DMD: variants seen among roughly 807,000 people sequenced by gnomAD.
DMD encodes the protein mutant dystrophin.
DMD carries 63 observed loss-of-function variants against 330.1 expected under a neutral mutation model. The observed-to-expected ratio is 0.19, with a 90% CI of 0.16 to 0.24. The LOEUF is 0.24. Among genes scored for constraint, DMD ranks in the 10% least tolerant of loss-of-function variants. The probability of loss-of-function intolerance (pLI) is 1.00; values close to 1 mark genes in which losing one functional copy is unlikely to be tolerated. For missense variants in DMD, 3,344 were observed against 2,684.1 expected (o/e 1.25, Z -5.43); for synonymous variants, 1,223 against 959.8 (o/e 1.27, Z -5.07).
chrX:32,167,145 C>T (rs747208975), intron 44 of DMD, among the ~76,000 whole-genome samples: 10 of 111,818 alleles, frequency 8.9e-5, no homozygotes, highest in Non-Finnish European at 1.7e-4. Flanking sequence ...CAAACCTGTA[C>T]CTAACAGAGG....
At position 31,899,994 on chromosome X, in the gene DMD, C is replaced by G. The variant is rs767702017; in HGVS notation, c.6913-24621G>C. On this transcript the variant is annotated intron_variant, in intron 47 of 78. Transcript: ENST00000357033. The stretch of plus-strand genomic sequence containing the variant: ...TCAATCTGCATTTACCTCAGATTTA[C>G]TAAGTCTAAAACTCAAGTCAAGTGT... Among the ~76,000 whole-genome samples, 17 of 111,305 alleles carry G rather than the reference C, an allele frequency of 1.5e-4. No individual in the cohort carries two copies. In the South Asian group the frequency reaches 6.5e-3, roughly 42 times the overall value.
At chrX:33,111,562 A>T (rs2095339594) in intron 1 of DMD, among the ~76,000 whole-genome samples, 1 of 111,986 alleles carries the variant, frequency 8.9e-6, no homozygotes, top group Non-Finnish European at 1.9e-5. Context: ...CAAATTAGAG[A>T]ATAAACAAAA....
intron 7 of DMD, among the ~76,000 whole-genome samples, chrX:32,772,902 C>T (rs1239556179): frequency 8.9e-6 from 1 of 111,821 alleles, no homozygotes. Flanking sequence ...TACAGAAACT[C>T]GGGCAAACTC....
chrX:32,528,115 C>G, intron 17 of DMD, among the ~76,000 whole-genome samples: 1 of 111,607 alleles, frequency 9.0e-6, no homozygotes, highest in Non-Finnish European at 1.9e-5. Context: ...TCAGGACCAA[C>G]CTGGCCACCA....
intron 29 of DMD, among the ~76,000 whole-genome samples, chrX:32,426,928 G>C (rs892461466): frequency 3.6e-5 from 4 of 111,153 alleles, no homozygotes; most frequent in African/African-American, 1.3e-4. Context: ...GACACAATGA[G>C]GGAACAGACA....
At chrX:32,096,413 G>A (rs755234310) in intron 44 of DMD, among the ~76,000 whole-genome samples, 70 of 111,229 alleles carry the variant, frequency 6.3e-4, no homozygotes, top group Non-Finnish European at 1.1e-3. Flanking sequence ...CAGAATTCTA[G>A]CCATGAGAAA....
intron 41 of DMD, among the ~76,000 whole-genome samples, chrX:32,318,183 T>G (rs2097591065): frequency 2.7e-5 from 3 of 111,278 alleles, no homozygotes; most frequent in Non-Finnish European, 3.8e-5. Context: ...CAAGTTTCCT[T>G]CTAGGAATCA....
intron 59 of DMD, among the ~76,000 whole-genome samples, chrX:31,452,631 GAATA>G (rs2065845140): frequency 8.9e-6 from 1 of 111,968 alleles, no homozygotes; most frequent in African/African-American, 3.2e-5. Flanking sequence ...TATCGAAAAA[GAATA>G]TATACCCAAA....
At chrX:31,343,500 T>C (rs761927509) in intron 61 of DMD, among the ~76,000 whole-genome samples, 2 of 111,277 alleles carry the variant, frequency 1.8e-5, no homozygotes, top group South Asian at 7.7e-4. Context: ...AGTGAATTCT[T>C]TTTTTTAGTA....
intron 1 of DMD, among the ~76,000 whole-genome samples, chrX:33,044,179 C>T (rs1259291350): frequency 3.6e-5 from 4 of 111,830 alleles, no homozygotes; most frequent in African/African-American, 1.3e-4. Context: ...TGCCTGTAAT[C>T]CCAGTACTTT....
intron 1 of DMD, among the ~76,000 whole-genome samples, chrX:33,338,525 T>C (rs2054289992): frequency 1.8e-5 from 2 of 110,786 alleles, no homozygotes; most frequent in South Asian, 7.6e-4. Flanking sequence ...TTATCACTTC[T>C]GTCATTTTTC....
intron 12 of DMD, among the ~76,000 whole-genome samples, chrX:32,599,825 C>G (rs1053542105): frequency 8.9e-6 from 1 of 111,758 alleles, no homozygotes; most frequent in Admixed American, 9.5e-5. Context: ...AGATTTCAAA[C>G]ATCTATCATG....
rs189162207 is a variant in DMD, at chrX:32,331,606, G to A, written c.5922+10494C>T. The stretch of plus-strand genomic sequence containing the variant: ...TTTTCTTATGTTTATTAATATATTT[G>A]ACAACACATTGCATGATGACTGTAG... On this transcript the variant is annotated intron_variant, in intron 41 of 78. Coordinates refer to ENST00000357033, the MANE Select transcript of DMD (RefSeq NM_004006.3). Among the ~76,000 whole-genome samples the A allele has an allele frequency of 1.3e-4, 14 of 110,841 alleles. 1 individual carries two copies. In the East Asian group the frequency reaches 3.7e-3, roughly 29 times the overall value.
chrX:31,604,955 T>G (rs2077541489), intron 55 of DMD, among the ~76,000 whole-genome samples: 1 of 112,134 alleles, frequency 8.9e-6, no homozygotes, highest in African/African-American at 3.2e-5. Context: ...GAGTATATAT[T>G]GAGGTTAAGG....
At chrX:31,944,205 A>G (rs758297147) in intron 45 of DMD, among the ~76,000 whole-genome samples, 1 of 104,784 alleles carries the variant, frequency 9.5e-6, no homozygotes, top group East Asian at 3.0e-4. Context: ...CTAAGATGTT[A>G]TTTGACTTTT....
intron 47 of DMD, among the ~76,000 whole-genome samples, chrX:31,908,678 G>C (rs2094508840): frequency 9.2e-6 from 1 of 109,156 alleles, no homozygotes; most frequent in African/African-American, 3.4e-5. Flanking sequence ...TAACAAACCT[G>C]CACGTTGTGC....
chrX:33,233,047 A>G (rs1486421610), intron 1 of DMD, among the ~76,000 whole-genome samples: 1 of 111,397 alleles, frequency 9.0e-6, no homozygotes, highest in Non-Finnish European at 1.9e-5. Context: ...ATCATAATGC[A>G]TCATATATTT....
intron 62 of DMD, among the ~76,000 whole-genome samples, chrX:31,280,618 A>G (rs866912934): frequency 8.9e-6 from 1 of 112,324 alleles, no homozygotes; most frequent in Non-Finnish European, 1.9e-5. Flanking sequence ...AGTTTATTTT[A>G]AAATTTTTTT....
chrX:31,200,966 A>T (rs1171837624), intron 67 of DMD, among the ~76,000 whole-genome samples: 1 of 112,003 alleles, frequency 8.9e-6, no homozygotes, highest in Non-Finnish European at 1.9e-5. Context: ...AAAATAGTAC[A>T]GAGAAAATCA....
Sources: gnomAD v4.1 joint callset for allele counts (sites outside exome capture counted in the v4.1 genomes callset) on GRCh38, gnomAD v4.1.1 for gene constraint, MANE v1.5 for transcripts, NCBI Gene and HGNC (gene_info 2026-07-23, HGNC 2026-07-21) for gene names.